Variants in IRF2 observed in about 807,000 individuals in gnomAD.
IRF2 encodes interferon regulatory factor 2.
In IRF2, 15 loss-of-function variants were observed where a neutral mutation model predicts 40.6. That is an observed-to-expected ratio of 0.37 (90% CI 0.25 to 0.57). The LOEUF is 0.57. IRF2 is among the 20% of genes least tolerant of loss of function. The probability of loss-of-function intolerance (pLI) is 0.77; values close to 1 mark genes in which losing one functional copy is unlikely to be tolerated. For synonymous variants in IRF2, 151 were observed against 165.5 expected (o/e 0.91, Z 0.67); for missense variants, 317 against 455.7 (o/e 0.70, Z 2.77).
intron 1 of IRF2, among the ~76,000 whole-genome samples, chr4:184,429,404 C>T (rs998188047): frequency 7.9e-5 from 12 of 152,284 alleles, no homozygotes; most frequent in African/African-American, 2.6e-4. Flanking sequence ...TTGAGGCTTC[C>T]GTTGCTCAGA....
intron 5 of IRF2, among the ~76,000 whole-genome samples, chr4:184,412,991 CA>C: frequency 6.6e-6 from 1 of 152,326 alleles, no homozygotes; most frequent in Non-Finnish European, 1.5e-5. Context: ...TCAAAGGCAG[CA>C]TGTCCAAAGC....
At chr4:184,393,644 G>A (rs965753773) in intron 7 of IRF2, among the ~76,000 whole-genome samples, 16 of 152,172 alleles carry the variant, frequency 1.1e-4, no homozygotes, top group African/African-American at 2.9e-4. Flanking sequence ...CACATGCTCC[G>A]AACTTATGTT....
At chr4:184,389,111 T>C (rs1288222336) in intron 8 of IRF2, 45 bp from the exon 9 acceptor site, 7 of 1,588,358 alleles carry the variant, frequency 4.4e-6, no homozygotes, top group Non-Finnish European at 6.0e-6. Context: ...CTCCTTCTAT[T>C]GGATGGCTTT....
At chr4:184,437,035 C>T (rs1473552390) in intron 1 of IRF2, among the ~76,000 whole-genome samples, 1 of 152,058 alleles carries the variant, frequency 6.6e-6, no homozygotes, top group Admixed American at 6.6e-5. Context: ...ACAGGTGCAT[C>T]CACTACACCC....
Position 184,388,891 on chromosome 4 carries a change from G to A in IRF2, c.917C>T (p.Pro306Leu), listed in dbSNP as rs748160281. Residue 306 changes from proline to leucine, a missense_variant, in exon 9 of 9, where the codon CCC becomes CTC. Physicochemically the swap from Pro to Leu is moderately conservative, Grantham distance 98. Around this residue, in one of 2 missense-constraint regions of IRF2, gnomAD observed 262 missense variants for 334.0 expected, o/e 0.78. Coordinates refer to ENST00000393593, the MANE Select transcript of IRF2 (RefSeq NM_002199.4). This position sits in a 1 kb window ranked among gnomAD's most constrained non-coding sequence, Gnocchi z 4.6. ...AGAAAGGGGGAGGTCTTGAAAAGGG[G>A]GCCAGGAGCTGTTGTAAGGCACCGG... ...SNPVPYNSSW[P>L]PFQDLPLSSS... The A allele has an allele frequency of 1.9e-6, 3 of 1,613,906 alleles. No homozygotes were observed. The South Asian group carries it at 3.3e-5, about 18-fold the overall frequency.
At chr4:184,390,883 T>C in intron 7 of IRF2, 134 bp from the exon 8 acceptor site, 1 of 842,532 alleles carries the variant, frequency 1.2e-6, no homozygotes, top group Non-Finnish European at 1.9e-6. Flanking sequence ...CGAAACATTC[T>C]ACATGGGAGA....
At chr4:184,447,239 T>G (rs1379701324) in intron 1 of IRF2, among the ~76,000 whole-genome samples, 1 of 152,020 alleles carries the variant, frequency 6.6e-6, no homozygotes, top group African/African-American at 2.4e-5. Flanking sequence ...CAAAAAAAAG[T>G]CACAGAACCC....
Position 184,404,942 on chromosome 4 carries a change from C to T in IRF2, c.529+3216G>A, listed in dbSNP as rs189490957. Among the ~76,000 whole-genome samples, 456 of 152,220 alleles carry T rather than the reference C, an allele frequency of 3.0e-3. 7 individuals carry two copies. The highest frequency in any genetic ancestry group is 0.024 in the South Asian group (114 of 4,828). ...CACGAAGGGAAGCACAGGATGTATCCCAGTAAAAACTCAGTAGAGGCCAGG... is the reference window on the plus strand; with the variant it reads ...CACGAAGGGAAGCACAGGATGTATCTCAGTAAAAACTCAGTAGAGGCCAGG... On this transcript the variant is annotated intron_variant, in intron 6 of 8. Coordinates refer to ENST00000393593, the MANE Select transcript of IRF2 (RefSeq NM_002199.4).
chr4:184,428,469 A>G (rs1579847225), intron 2 of IRF2, among the ~76,000 whole-genome samples: 1 of 152,230 alleles, frequency 6.6e-6, no homozygotes, highest in Non-Finnish European at 1.5e-5. Context: ...CAGACATTGG[A>G]GACTCCAGGC....
chr4:184,464,811 T>G (rs964320901), intron 1 of IRF2, among the ~76,000 whole-genome samples: 2 of 152,152 alleles, frequency 1.3e-5, no homozygotes, highest in Non-Finnish European at 2.9e-5. Flanking sequence ...TTTCATCCCA[T>G]GTCAGGGGAG....
Position 184,388,969 on chromosome 4 carries a change from A to C in IRF2, c.839T>G (p.Phe280Cys), listed in dbSNP as rs778071463. 1.3e-5 allele frequency: 21 copies of C among 1,614,066 alleles called. 1 individual carries two copies. Among genetic ancestry groups the C allele is most frequent in the Admixed American group, 1.7e-5 (1 of 60,012 alleles). ...GSYLLPGMAS[F>C]VTSNKPDLQV... ...GAGGTCCGGTTTGTTGGAAGTGACG[A>C]AGGACGCCATGCCGGGCAGCAGGTA... Residue 280 changes from phenylalanine (F) to cysteine (C), a missense_variant, in exon 9 of 9, where the codon TTC becomes TGC. This residue lies in a region of IRF2 where 262 missense variants were observed against 334.0 expected (regional missense o/e 0.78). Coordinates refer to ENST00000393593, the MANE Select transcript of IRF2 (RefSeq NM_002199.4). The surrounding 1 kb of genome is among the most constrained non-coding windows in gnomAD (Gnocchi z 4.6).
At position 184,413,258 on chromosome 4, in the gene IRF2, G is replaced by T. The variant is rs1197816215; in HGVS notation, c.411+4909C>A. On this transcript the variant is annotated intron_variant, in intron 5 of 8. Transcript: ENST00000393593. The surrounding 1 kb of genome is among the most constrained non-coding windows in gnomAD (Gnocchi z 4.2). ...ATCAATTCCCGCCTGCTCTAAGTGTGCTACAAGGAGTTCAACTGTGTCTCA... is the reference window on the plus strand; with the variant it reads ...ATCAATTCCCGCCTGCTCTAAGTGTTCTACAAGGAGTTCAACTGTGTCTCA... Among the ~76,000 whole-genome samples, 1 of 152,146 alleles carries T rather than the reference G, an allele frequency of 6.6e-6. No homozygotes were observed. The highest frequency in any genetic ancestry group is 1.9e-4 in the East Asian group (1 of 5,196).
intron 2 of IRF2, among the ~76,000 whole-genome samples, chr4:184,423,465 G>T (rs1038821286): frequency 1.3e-5 from 2 of 152,126 alleles, no homozygotes; most frequent in African/African-American, 4.8e-5. Flanking sequence ...TTTGCAAGAC[G>T]TTCCAATTAG....
At chr4:184,426,351 C>T (rs1283904064) in intron 2 of IRF2, among the ~76,000 whole-genome samples, 1 of 152,186 alleles carries the variant, frequency 6.6e-6, no homozygotes, top group Non-Finnish European at 1.5e-5. Flanking sequence ...GGGAAGGATC[C>T]TTCCTCGCCT....
At chr4:184,469,193 G>A (rs756786536) in intron 1 of IRF2, among the ~76,000 whole-genome samples, 3 of 152,108 alleles carry the variant, frequency 2.0e-5, no homozygotes, top group Admixed American at 1.3e-4. Context: ...GGAGGGTCCC[G>A]GCTAGTTTCA....
At chr4:184,442,630 T>G (rs1738353697) in intron 1 of IRF2, among the ~76,000 whole-genome samples, 1 of 152,088 alleles carries the variant, frequency 6.6e-6, no homozygotes, top group Non-Finnish European at 1.5e-5. Context: ...AGTGAACTAG[T>G]AAGCATCCTC....
chr4:184,388,995 G>C lies in IRF2; in HGVS notation c.813C>G (p.Ser271=). The C allele has an allele frequency of 6.2e-7, 1 of 1,614,234 alleles. No homozygotes were observed. Among genetic ancestry groups the C allele is most frequent in the Non-Finnish European group, 8.5e-7 (1 of 1,180,034 alleles). Reference sequence around the variant, plus strand: ...AGGACGCCATGCCGGGCAGCAGGTAGGAGCCTCGAGTCCCCATGTTGCTGA... The same window carrying C: ...AGGACGCCATGCCGGGCAGCAGGTACGAGCCTCGAGTCCCCATGTTGCTGA... ...QYLSNMGTRG[S]YLLPGMASFV... Residue 271 remains serine, a synonymous_variant, in exon 9 of 9, where the codon TCC becomes TCG. Coordinates refer to ENST00000393593, the MANE Select transcript of IRF2 (RefSeq NM_002199.4). The surrounding 1 kb of genome is among the most constrained non-coding windows in gnomAD (Gnocchi z 4.6).
chr4:184,414,211 C>T (rs1360533595), intron 5 of IRF2, among the ~76,000 whole-genome samples: 1 of 152,260 alleles, frequency 6.6e-6, no homozygotes, highest in African/African-American at 2.4e-5. Context: ...TAGCACCCCT[C>T]TGTTTTAACT....
intron 7 of IRF2, among the ~76,000 whole-genome samples, chr4:184,395,212 C>A (rs1736401298): frequency 6.6e-6 from 1 of 151,864 alleles, no homozygotes; most frequent in Non-Finnish European, 1.5e-5. Flanking sequence ...GAGATCGAGA[C>A]CATCCTGGCT....
Sources: gnomAD v4.1 joint callset for allele counts (sites outside exome capture counted in the v4.1 genomes callset) on GRCh38, gnomAD v4.1.1 for gene constraint, gnomAD v4.1.1 regional missense constraint, Gnocchi (gnomAD v3.1) non-coding constraint, MANE v1.5 for transcripts, NCBI Gene and HGNC (gene_info 2026-07-23, HGNC 2026-07-21) for gene names.